Variants in IQCH observed in about 807,000 individuals in gnomAD.
IQCH encodes the protein IQ motif containing H.
IQCH carries 98 observed loss-of-function variants against 117.0 expected under a neutral mutation model. The ratio of observed to expected loss-of-function variants is 0.84; its 90% CI spans 0.71 to 0.99. IQCH has a LOEUF of 0.99. Among genes scored for constraint, IQCH ranks in the 50% least tolerant of loss-of-function variants. The probability of loss-of-function intolerance (pLI) is 0.00; values close to 1 mark genes in which losing one functional copy is unlikely to be tolerated. For synonymous variants in IQCH, 412 were observed against 448.2 expected, an observed-to-expected ratio of 0.92 and a Z score of 1.02; for missense variants, 1,102 against 1,243.8, an observed-to-expected ratio of 0.89 and a Z score of 1.72.
chr15:67,460,984 T>C (rs2082777877), intron 16 of IQCH, among the ~76,000 whole-genome samples: 1 of 152,194 alleles, frequency 6.6e-6, no homozygotes, highest in African/African-American at 2.4e-5. Context: ...TCATAGTACT[T>C]TGTTCAGGCC....
At position 67,356,433 on chromosome 15, in the gene IQCH, C is replaced by T. The variant is rs1359024666; in HGVS notation, c.638-912C>T. Among the ~76,000 whole-genome samples the T allele has an allele frequency of 6.6e-6, 1 of 152,182 alleles. No individual in the cohort carries two copies. The highest frequency in any genetic ancestry group is 1.9e-4 in the East Asian group (1 of 5,204). ...AAAAAAGAGCTGAAGATATTCCTTG[C>T]AGCTCAGTTGAGGCAATCTAAGAGA... On this transcript the variant is annotated intron_variant, in intron 6 of 20. Coordinates refer to ENST00000335894, the MANE Select transcript of IQCH (RefSeq NM_001031715.3). This position sits in a 1 kb window ranked among gnomAD's most constrained non-coding sequence, Gnocchi z 5.3.
In IQCH at chr15:67,384,986, A is replaced by G; in HGVS notation, c.1423A>G (p.Asn475Asp). ...TATTGCCGATTTCAACACACAGCAG[A>G]ACATGCAGCTGGGGAGGCTGTGTGA... ...EHIADFNTQQ[N>D]MQLGRLCDIL... Residue 475 changes from asparagine (N) to aspartate (D), a missense_variant, in exon 11 of 21, where the codon AAC (asparagine) becomes GAC (aspartate). Asn to Asp is a conservative substitution (Grantham distance 23). Coordinates refer to ENST00000335894, the MANE Select transcript of IQCH (RefSeq NM_001031715.3). The surrounding 1 kb of genome is among the most constrained non-coding windows in gnomAD (Gnocchi z 4.3). 1 of 1,612,172 alleles carries G rather than the reference A, an allele frequency of 6.2e-7. No individual in the cohort carries two copies. The highest frequency in any genetic ancestry group is 2.2e-5 in the East Asian group (1 of 44,836).
At chr15:67,373,640 G>T (rs1970638905) in intron 10 of IQCH, 1 of 653,228 alleles carries the variant, frequency 1.5e-6, no homozygotes, top group African/African-American at 1.8e-5. Flanking sequence ...CATTATGTGG[G>T]GGCTGCTATT....
chr15:67,390,871 A>AC lies in IQCH; in HGVS notation c.1632+1867dup, dbSNP rs1302967640. On this transcript the variant is annotated intron_variant, in intron 12 of 20. Transcript: ENST00000335894. This position sits in a 1 kb window ranked among gnomAD's most constrained non-coding sequence, Gnocchi z 5.0. ...CCTATCTCCGTTTATGGCTGAGGAA[A>AC]CCAAGACTCATTTTCTAGTCCAAGG... Among the ~76,000 whole-genome samples, 1 of 152,174 alleles carries AC rather than the reference A, an allele frequency of 6.6e-6. No individual in the cohort carries two copies. Among genetic ancestry groups the AC allele is most frequent in the Non-Finnish European group, 1.5e-5 (1 of 68,032 alleles).
intron 16 of IQCH, among the ~76,000 whole-genome samples, chr15:67,455,659 A>G (rs529737132): frequency 1.9e-4 from 29 of 152,292 alleles, no homozygotes; most frequent in Middle Eastern, 6.8e-3. Flanking sequence ...AATCTTCCCC[A>G]ATGGGATCCA....
In IQCH at chr15:67,393,067, T is replaced by C. The variant is rs1357710464; in HGVS notation, c.1633-2224T>C. On this transcript the variant is annotated intron_variant, in intron 12 of 20. Transcript: ENST00000335894. This position sits in a 1 kb window ranked among gnomAD's most constrained non-coding sequence, Gnocchi z 5.5. Reference sequence around the variant, plus strand: ...TTACCACTATCAATTTCAGAACTTTTTATCATCCCAAGAAGAAACTCTGTA... The same window carrying C: ...TTACCACTATCAATTTCAGAACTTTCTATCATCCCAAGAAGAAACTCTGTA... Among the ~76,000 whole-genome samples the C allele has an allele frequency of 6.6e-6, 1 of 152,174 alleles. No individual in the cohort carries two copies. The highest frequency in any genetic ancestry group is 1.5e-5 in the Non-Finnish European group (1 of 68,028).
intron 18 of IQCH, among the ~76,000 whole-genome samples, chr15:67,486,395 TGAAAG>T (rs900383771): frequency 1.3e-5 from 2 of 151,926 alleles, no homozygotes; most frequent in African/African-American, 4.8e-5. Flanking sequence ...TTTAAAGTAT[TGAAAG>T]GAAAGTCTCT....
Position 67,465,804 on chromosome 15 carries a change from G to A in IQCH, c.2676+507G>A, listed in dbSNP as rs1191026700. On this transcript the variant is annotated intron_variant, in intron 17 of 20. Coordinates refer to ENST00000335894, the MANE Select transcript of IQCH (RefSeq NM_001031715.3). This position sits in a 1 kb window ranked among gnomAD's most constrained non-coding sequence, Gnocchi z 5.9. ...AGCCCCACATCCAGTCAGCAAGCAG[G>A]GCGTGTTGAGTCTAGCTACGAAAAT... 1.3e-5 allele frequency among the ~76,000 whole-genome samples: 2 copies of A among 152,120 alleles called. No homozygotes were observed. The highest frequency in any genetic ancestry group is 4.8e-5 in the African/African-American group (2 of 41,434).
intron 16 of IQCH, among the ~76,000 whole-genome samples, chr15:67,423,913 CTG>C (rs774514357): frequency 7.3e-5 from 11 of 151,376 alleles, no homozygotes; most frequent in Non-Finnish European, 1.5e-4. Flanking sequence ...AAAGGTAAAA[CTG>C]TGGTCCCTGG....
At chr15:67,483,138 C>G (rs1049365466) in intron 18 of IQCH, among the ~76,000 whole-genome samples, 3 of 152,182 alleles carry the variant, frequency 2.0e-5, no homozygotes, top group African/African-American at 7.2e-5. Flanking sequence ...AACCAACTAA[C>G]TGTCACTAAA....
At chr15:67,335,046 C>G (rs1968830618) in intron 4 of IQCH, among the ~76,000 whole-genome samples, 1 of 152,126 alleles carries the variant, frequency 6.6e-6, no homozygotes, top group African/African-American at 2.4e-5. Context: ...CTTCCATTCT[C>G]CAACACATAC....
chr15:67,266,708 A>G (rs1348515902), intron 3 of IQCH, among the ~76,000 whole-genome samples: 1 of 152,214 alleles, frequency 6.6e-6, no homozygotes, highest in Non-Finnish European at 1.5e-5. Context: ...GGTGAGGTTC[A>G]GCATTGATGA....
intron 10 of IQCH, 101 bp downstream of exon 10, chr15:67,373,534 T>A (rs1970632852): frequency 1.2e-6 from 1 of 823,272 alleles, no homozygotes; most frequent in Non-Finnish European, 2.1e-6. Flanking sequence ...TTATTCAAAT[T>A]GGTCTCGGCA....
intron 9 of IQCH, among the ~76,000 whole-genome samples, chr15:67,373,021 A>G (rs1970605321): frequency 6.6e-6 from 1 of 150,570 alleles, no homozygotes; most frequent in Admixed American, 6.6e-5. Context: ...ATTTGCTCAG[A>G]AAAAAAAAAT....
intron 14 of IQCH, among the ~76,000 whole-genome samples, chr15:67,414,696 G>C (rs1596331574): frequency 6.7e-6 from 1 of 148,684 alleles, no homozygotes; most frequent in African/African-American, 2.5e-5. Context: ...ATATATATGT[G>C]TATATATATC....
intron 3 of IQCH, among the ~76,000 whole-genome samples, chr15:67,265,015 A>G (rs1965613813): frequency 6.6e-6 from 1 of 152,200 alleles, no homozygotes; most frequent in Admixed American, 6.5e-5. Context: ...ACAAGCAGCA[A>G]GTAAGAAAGC....
At chr15:67,372,694 C>T (rs751607919) in intron 9 of IQCH, 32 bp downstream of exon 9, 5 of 1,537,754 alleles carry the variant, frequency 3.3e-6, no homozygotes, top group Non-Finnish European at 4.4e-6. Flanking sequence ...TAAGGCAGAC[C>T]TCTTTTTCTA....
At chr15:67,344,898 G>T (rs548720696) in intron 6 of IQCH, among the ~76,000 whole-genome samples, 1 of 152,312 alleles carries the variant, frequency 6.6e-6, no homozygotes, top group Admixed American at 6.5e-5. Flanking sequence ...TCTAAGAATT[G>T]CAATTTAAAT....
chr15:67,377,297 A>T (rs1970773107), intron 10 of IQCH, among the ~76,000 whole-genome samples: 1 of 152,092 alleles, frequency 6.6e-6, no homozygotes, highest in Non-Finnish European at 1.5e-5. Flanking sequence ...TTATAAGATG[A>T]TAAAGAAACA....
Sources: gnomAD v4.1 joint callset for allele counts (sites outside exome capture counted in the v4.1 genomes callset) on GRCh38, gnomAD v4.1.1 for gene constraint, Gnocchi (gnomAD v3.1) non-coding constraint, MANE v1.5 for transcripts, NCBI Gene and HGNC (gene_info 2026-07-23, HGNC 2026-07-21) for gene names.